Variants in PLB1 observed in about 807,000 individuals in gnomAD.
PLB1 encodes phospholipase B1.
PLB1 carries 242 observed loss-of-function variants against 227.4 expected under a neutral mutation model. That is an observed-to-expected ratio of 1.06 (90% CI 0.96 to 1.18). The LOEUF is 1.18. Among genes scored for constraint, PLB1 ranks in the 50% most tolerant of loss-of-function variants. The probability of loss-of-function intolerance (pLI) is 0.00; values close to 1 mark genes in which losing one functional copy is unlikely to be tolerated. For missense variants in PLB1, 1,858 were observed against 1,816.3 expected (o/e 1.02, Z -0.42); for synonymous variants, 757 against 682.2 (o/e 1.11, Z -1.71).
intron 1 of PLB1, among the ~76,000 whole-genome samples, chr2:28,496,742 G>A (rs1666495940): frequency 1.3e-5 from 2 of 152,200 alleles, no homozygotes; most frequent in South Asian, 4.1e-4. Context: ...ATTAATGACT[G>A]TGGGTAGATT....
rs1403675342 is a variant in PLB1 at position 28,529,725 on chromosome 2, C to G, written c.417-3C>G. On this transcript the variant is annotated splice_polypyrimidine_tract_variant and splice_region_variant and intron_variant, in intron 7 of 57. Coordinates refer to ENST00000327757, the MANE Select transcript of PLB1 (RefSeq NM_153021.5). ...TTTTCTCTGTTTCCCTCCCTCTGCA[C>G]AGAGACTTGTGGATTCAGGCTCAAG... The G allele has an allele frequency of 1.2e-6, 2 of 1,613,986 alleles. No individual in the cohort carries two copies. The highest frequency in any genetic ancestry group is 1.7e-6 in the Non-Finnish European group (2 of 1,179,876).
chr2:28,564,552 C>T (rs1029519081), intron 18 of PLB1, among the ~76,000 whole-genome samples: 2 of 152,214 alleles, frequency 1.3e-5, no homozygotes, highest in African/African-American at 4.8e-5. Context: ...CTTGAAGATA[C>T]TCTCAGGACA....
At position 28,614,051 on chromosome 2, in the gene PLB1, C is replaced by G. The variant is rs779711797; in HGVS notation, c.3150C>G (p.Thr1050=). Residue 1050 remains threonine (T), a synonymous_variant, in exon 44 of 58, where the codon ACC becomes ACG. Transcript: ENST00000327757. ...CTTAGAATGAGCCCTTCCTGAGAACCCCTCGGAATAGTAACTACACGTACC... is the reference window on the plus strand; with the variant it reads ...CTTAGAATGAGCCCTTCCTGAGAACGCCTCGGAATAGTAACTACACGTACC... The part of the protein sequence containing the change: ...CPTQNEPFLR[T]PRNSNYTYPI... The G allele has an allele frequency of 1.8e-5, 29 of 1,612,826 alleles. No individual in the cohort carries two copies. Among genetic ancestry groups the G allele is most frequent in the Non-Finnish European group, 2.1e-5 (25 of 1,179,110 alleles).
intron 14 of PLB1, 41 bp downstream of exon 14, chr2:28,543,309 G>T: frequency 6.3e-7 from 1 of 1,592,220 alleles, no homozygotes; most frequent in Admixed American, 1.7e-5. Flanking sequence ...CAGAGGAGGG[G>T]CAAGGTCTCC....
chr2:28,569,028 C>G (rs1308402271), intron 20 of PLB1, among the ~76,000 whole-genome samples: 1 of 152,174 alleles, frequency 6.6e-6, no homozygotes, highest in Non-Finnish European at 1.5e-5. Flanking sequence ...GAAATCGGAG[C>G]AATTTCCATT....
chr2:28,539,330 C>T (rs1305646305), intron 11 of PLB1, 152 bp downstream of exon 11: 34 of 708,414 alleles, frequency 4.8e-5, no homozygotes, highest in Non-Finnish European at 6.9e-5. Flanking sequence ...CACACCCGAG[C>T]GAGTGGCAGA....
intron 32 of PLB1, among the ~76,000 whole-genome samples, chr2:28,593,236 C>A (rs1198554049): frequency 6.6e-6 from 1 of 152,146 alleles, no homozygotes; most frequent in Non-Finnish European, 1.5e-5. Flanking sequence ...TTACAGAATG[C>A]CCCAGAGGGA....
Position 28,632,076 on chromosome 2 carries a change from AGC to A in PLB1, c.3940_3941del (p.Arg1314Ter). The A allele has an allele frequency of 6.2e-7, 1 of 1,614,132 alleles. No homozygotes were observed. The highest frequency in any genetic ancestry group is 8.5e-7 in the Non-Finnish European group (1 of 1,180,020). ...TTCTCCTACTGGCACCAATACACAC[AGC>A]GTGAGGACTTTGCGGTTGTGGTGCA... On this transcript the variant is annotated frameshift_variant, in exon 55 of 58. Coordinates refer to ENST00000327757, the MANE Select transcript of PLB1 (RefSeq NM_153021.5). LOFTEE classifies it high-confidence loss of function.
chr2:28,608,312 A>G (rs1034050773), intron 43 of PLB1, among the ~76,000 whole-genome samples: 10 of 152,220 alleles, frequency 6.6e-5, no homozygotes, highest in Non-Finnish European at 1.3e-4. Context: ...TTGGAGTGAT[A>G]TAAAAGTCCA....
chr2:28,598,243 G>GTTCAATCCCTGGTGC, intron 34 of PLB1, among the ~76,000 whole-genome samples, 195 bp downstream of exon 34: 1 of 152,290 alleles, frequency 6.6e-6, no homozygotes, highest in Non-Finnish European at 1.5e-5. Flanking sequence ...GAAGATCTGA[G>GTTCAATCCCTGGTGC]TTCAATCCCT....
At chr2:28,604,334 C>T (rs1211604624) in intron 40 of PLB1, among the ~76,000 whole-genome samples, 2 of 152,168 alleles carry the variant, frequency 1.3e-5, no homozygotes, top group Admixed American at 1.3e-4. Context: ...CTCATGAGAC[C>T]ACCTTTCCCT....
chr2:28,602,837 T>G lies in PLB1; in HGVS notation c.2690T>G (p.Val897Gly), dbSNP rs766437363. The G allele has an allele frequency of 4.3e-6, 7 of 1,614,116 alleles. No homozygotes were observed. The highest frequency in any genetic ancestry group is 5.9e-6 in the Non-Finnish European group (7 of 1,179,988). ...VLHREVPRVL[V>G]NLVDFLNPTI... ...TTCCCTTAGGTGCCCAGAGTCCTGG[T>G]CAACCTCGTGGACTTCCTGAACCCC... The change falls in exon 39 of 58, where the codon GTC (valine) becomes GGC (glycine). Residue 897 changes from valine (V) to glycine (G), a missense_variant. Physicochemically the swap from Val to Gly is moderately radical, Grantham distance 109. Transcript: ENST00000327757.
chr2:28,516,510 A>G (rs1668865890), intron 1 of PLB1, among the ~76,000 whole-genome samples: 1 of 152,238 alleles, frequency 6.6e-6, no homozygotes, highest in Admixed American at 6.5e-5. Context: ...CAAGGAGCCC[A>G]AAAAGCAATC....
intron 1 of PLB1, among the ~76,000 whole-genome samples, chr2:28,498,056 T>C (rs1194166006): frequency 6.6e-6 from 1 of 151,770 alleles, no homozygotes; most frequent in Non-Finnish European, 1.5e-5. Context: ...TCTTCCTTTA[T>C]GGTTTGTGCT....
chr2:28,496,535 ATACTAC>A lies in PLB1; in HGVS notation c.55+372_55+377del, dbSNP rs534686418. On this transcript the variant is annotated intron_variant, in intron 1 of 57. Transcript: ENST00000327757. The stretch of plus-strand genomic sequence containing the variant: ...GATTTTTTTCATCCTTAAAATGGAA[ATACTAC>A]TACTATGCACATTTTGATCATTACT... Among the ~76,000 whole-genome samples, 783 of 152,300 alleles carry A rather than the reference ATACTAC, an allele frequency of 5.1e-3. 7 individuals carry two copies. Among genetic ancestry groups the A allele is most frequent in the African/African-American group, 0.017 (724 of 41,546 alleles).
intron 21 of PLB1, among the ~76,000 whole-genome samples, chr2:28,577,546 G>T (rs540785902): frequency 1.3e-5 from 2 of 152,296 alleles, no homozygotes; most frequent in African/African-American, 2.4e-5. Context: ...ATGCCAATCA[G>T]AAAATAGTCA....
chr2:28,585,960 T>C (rs1680838081), intron 26 of PLB1, 118 bp downstream of exon 26: 2 of 899,568 alleles, frequency 2.2e-6, no homozygotes, highest in African/African-American at 1.6e-5. Context: ...GACCACTGAC[T>C]AGTTTGCTGA....
intron 6 of PLB1, 86 bp downstream of exon 6, chr2:28,526,031 A>G (rs549069585): frequency 3.0e-5 from 44 of 1,444,050 alleles, no homozygotes; most frequent in Non-Finnish European, 3.8e-5. Flanking sequence ...GAGAATGGAC[A>G]CCACCAGCCA....
chr2:28,589,249 G>A (rs1681456098), intron 26 of PLB1, among the ~76,000 whole-genome samples: 2 of 152,276 alleles, frequency 1.3e-5, no homozygotes, highest in African/African-American at 4.8e-5. Context: ...TCGCAGCAGA[G>A]TTTGGGGCCA....
Sources: allele counts gnomAD v4.1 joint callset (sites outside exome capture counted in the v4.1 genomes callset), GRCh38; gene constraint gnomAD v4.1.1; transcripts MANE v1.5; gene names NCBI Gene and HGNC (gene_info 2026-07-23, HGNC 2026-07-21).